Variants in CRHBP observed in about 807,000 individuals in gnomAD.
CRHBP encodes the protein corticotropin releasing hormone binding protein.
Under a neutral mutation model 34.9 loss-of-function variants are expected in CRHBP, and 19 were observed. The ratio of observed to expected loss-of-function variants is 0.55; its 90% confidence interval spans 0.38 to 0.80. CRHBP has a LOEUF of 0.80. Ranked by LOEUF, CRHBP falls within the 30% of genes least tolerant of loss-of-function variation. The pLI, the probability that CRHBP is intolerant of heterozygous loss-of-function variation, is 0.00. For missense variants in CRHBP, 328 were observed against 409.2 expected (o/e 0.80, Z 1.71); for synonymous variants, 154 against 153.4 (o/e 1.00, Z -0.03).
chr5:76,959,196 T>G (rs1257370838), intron 5 of CRHBP, among the ~76,000 whole-genome samples: 1 of 152,244 alleles, frequency 6.6e-6, no homozygotes, highest in Non-Finnish European at 1.5e-5. Flanking sequence ...TGTACTTGCC[T>G]CTTTTACAAA....
chr5:76,958,745 C>A lies in CRHBP; in HGVS notation c.549C>A (p.Cys183Ter). ...TTCTTTTTCTTTTCTACAAAGCTTG[C>A]AATGTCATTTCTCAGACTCCAAATG... ...TIKTDPNLFP[C>*]NVISQTPNGK... The change falls in exon 5 of 7, where the codon TGC becomes TGA. Residue 183 changes from cysteine to a stop codon, truncating the protein, a stop_gained. Coordinates refer to ENST00000274368, the MANE Select transcript of CRHBP (RefSeq NM_001882.4). LOFTEE classifies it high-confidence loss of function. 6.2e-7 allele frequency: 1 copy of A among 1,605,238 alleles called. No homozygotes were observed. Among genetic ancestry groups the A allele is most frequent in the Non-Finnish European group, 8.5e-7 (1 of 1,177,898 alleles).
chr5:76,963,889 A>T (rs555931634), intron 6 of CRHBP, among the ~76,000 whole-genome samples: 1 of 152,338 alleles, frequency 6.6e-6, no homozygotes, highest in South Asian at 2.1e-4. Context: ...TGTTACTCAT[A>T]GTAAATAAAC....
At chr5:76,954,653 G>A (rs1425521387) in intron 3 of CRHBP, among the ~76,000 whole-genome samples, 4 of 152,192 alleles carry the variant, frequency 2.6e-5, no homozygotes, top group Admixed American at 6.5e-5. Context: ...TCCACGCTCG[G>A]CAGAGCCGTT....
chr5:76,967,115 A>C (rs1313900134), intron 6 of CRHBP, among the ~76,000 whole-genome samples: 1 of 152,098 alleles, frequency 6.6e-6, no homozygotes, highest in African/African-American at 2.4e-5. Context: ...GGTGGCACAC[A>C]ACTGTAATCC....
At chr5:76,962,874 G>T (rs1745800759) in intron 5 of CRHBP, among the ~76,000 whole-genome samples, 1 of 145,500 alleles carries the variant, frequency 6.9e-6, no homozygotes, top group South Asian at 2.2e-4. Flanking sequence ...CAAAGAAGAA[G>T]AAAAGAGATG....
chr5:76,975,803 C>CAAAAAAAAAAAAAAAAA (rs1158363151), intron 2 of CRHBP, among the ~76,000 whole-genome samples: 1 of 35,222 alleles, frequency 2.8e-5, no homozygotes, highest in East Asian at 1.3e-3. Context: ...GACTCTGTCT[C>CAAAAAAAAAAAAAAAAA]AAAAAAAAAA....
At chr5:76,964,794 T>TA (rs1423481721) in intron 6 of CRHBP, among the ~76,000 whole-genome samples, 1 of 152,090 alleles carries the variant, frequency 6.6e-6, no homozygotes, top group Non-Finnish European at 1.5e-5. Context: ...CAGTGGTGGT[T>TA]ACAGTGAGCT....
chr5:76,965,816 G>A (rs1745852164), intron 6 of CRHBP, among the ~76,000 whole-genome samples: 1 of 152,200 alleles, frequency 6.6e-6, no homozygotes, highest in South Asian at 2.1e-4. Flanking sequence ...CTGGAAGGAG[G>A]GCCTTGAGTG....
At position 76,968,859 on chromosome 5, in the gene CRHBP, G is replaced by A. The variant is rs775740166; in HGVS notation, c.943G>A (p.Gly315Arg). 34 of 1,613,688 alleles carry A rather than the reference G, an allele frequency of 2.1e-5. No homozygotes were observed. Among genetic ancestry groups the A allele is most frequent in the Non-Finnish European group, 2.7e-5 (32 of 1,179,902 alleles). Reference protein sequence around the residue: ...ELENPNGNSIGEFCLSGL With the variant: ...ELENPNGNSIREFCLSGL ...GGAAAACCCAAATGGAAACAGTATC[G>A]GGGAATTCTGTTTGTCTGGTCTTTG... is the stretch of plus-strand genomic sequence containing the variant. The change falls in exon 7 of 7, where the codon GGG becomes AGG. Residue 315 changes from glycine (G) to arginine (R), a missense_variant. Around this residue, in one of 3 missense-constraint regions of CRHBP, gnomAD observed 144 missense variants for 216.7 expected, o/e 0.66. Transcript: ENST00000274368.
rs568477530 is a variant in CRHBP at position 76,960,795 on chromosome 5, C to T, written c.693+1906C>T. On this transcript the variant is annotated intron_variant, in intron 5 of 6. Coordinates refer to ENST00000274368, the MANE Select transcript of CRHBP (RefSeq NM_001882.4). ...TTGTTTTTTTTTTGAGATGGAGTCT[C>T]GCTCTGTCGCCCAGGCTGGAGTGCA... 6.0e-4 allele frequency among the ~76,000 whole-genome samples: 91 copies of T among 150,640 alleles called. No homozygotes were observed. The South Asian group carries it at 0.018, about 29-fold the overall frequency.
At chr5:76,965,949 C>T (rs1436294336) in intron 6 of CRHBP, among the ~76,000 whole-genome samples, 3 of 152,176 alleles carry the variant, frequency 2.0e-5, no homozygotes, top group Admixed American at 6.5e-5. Flanking sequence ...GAAAGCACTC[C>T]GCAGGGTGGG....
At chr5:76,972,497 CA>C (rs537808538), downstream of CRHBP, among the ~76,000 whole-genome samples, 34 of 144,102 alleles carry the variant, frequency 2.4e-4, no homozygotes, top group South Asian at 2.2e-4. Context: ...GACTCCGTCT[CA>C]AAAAAAAAAA....
chr5:76,965,641 T>C (rs2099661054), intron 6 of CRHBP, among the ~76,000 whole-genome samples: 1 of 152,164 alleles, frequency 6.6e-6, no homozygotes, highest in Admixed American at 6.5e-5. Context: ...GAAGCCAAAG[T>C]CATTTTTCCG....
intron 6 of CRHBP, among the ~76,000 whole-genome samples, chr5:76,967,528 G>A (rs1394965561): frequency 1.3e-5 from 2 of 152,106 alleles, no homozygotes; most frequent in Non-Finnish European, 2.9e-5. Flanking sequence ...TAAAACAGCA[G>A]AAATGATTAT....
chr5:76,965,177 G>T (rs1028882886), intron 6 of CRHBP, among the ~76,000 whole-genome samples: 3 of 152,110 alleles, frequency 2.0e-5, no homozygotes, highest in African/African-American at 7.2e-5. Context: ...TTACATAAGG[G>T]ACTTGAACAT....
chr5:76,966,266 C>T (rs769034550), intron 6 of CRHBP, among the ~76,000 whole-genome samples: 74 of 152,206 alleles, frequency 4.9e-4, no homozygotes, highest in Non-Finnish European at 8.7e-4. Flanking sequence ...GATCTGCCCA[C>T]CTCGGCCTCC....
At chr5:76,959,930 C>T (rs151057785) in intron 5 of CRHBP, among the ~76,000 whole-genome samples, 155 of 152,226 alleles carry the variant, frequency 1.0e-3, no homozygotes, top group African/African-American at 3.4e-3. Flanking sequence ...TGTTTCCTCC[C>T]GAACAATTTA....
In CRHBP at chr5:76,967,887, C is replaced by T. The variant is rs372767390; in HGVS notation, c.812-841C>T. ...CTAATTTTTGTATTTTTAGTAGAGA[C>T]GGGGTTTCACTATGTTGGCCAGGCT... On this transcript the variant is annotated intron_variant, in intron 6 of 6. Transcript: ENST00000274368. Among the ~76,000 whole-genome samples the T allele has an allele frequency of 9.2e-4, 140 of 151,906 alleles. 1 individual carries two copies. The East Asian group carries it at 0.019, about 21-fold the overall frequency.
intron 1 of CRHBP, 192 bp downstream of exon 1, chr5:76,953,407 T>A: frequency 1.2e-6 from 1 of 835,214 alleles, no homozygotes; most frequent in Non-Finnish European, 2.0e-6. Flanking sequence ...CCTGCCTGCC[T>A]TCCTCTGGCC....
Sources: allele counts gnomAD v4.1 joint callset (sites outside exome capture counted in the v4.1 genomes callset), GRCh38; gene constraint gnomAD v4.1.1; regional missense constraint gnomAD v4.1.1; transcripts MANE v1.5; gene names NCBI Gene and HGNC (gene_info 2026-07-23, HGNC 2026-07-21).